RASSF3: variants seen among roughly 807,000 people sequenced by gnomAD.
RASSF3 encodes the protein ras association domain-containing protein 3.
RASSF3 carries 19 observed loss-of-function variants against 19.9 expected under a neutral mutation model. That is an observed-to-expected ratio of 0.96 (90% confidence interval 0.67 to 1.40). RASSF3 has a LOEUF of 1.40. Ranked by LOEUF, RASSF3 falls within the 40% of genes most tolerant of loss-of-function variation. The pLI is 0.00. For synonymous variants in RASSF3, 110 were observed against 104.2 expected (o/e 1.06, Z -0.34); for missense variants, 306 against 289.8 (o/e 1.06, Z -0.41).
At position 64,689,544 on chromosome 12, in the gene RASSF3, A is replaced by G. The variant is rs1873495171; in HGVS notation, c.457+1091A>G. On this transcript the variant is annotated intron_variant, in intron 3 of 4. Transcript: ENST00000542104. ...ATGCAGTGCATCTGGAAGTGCCACAATAATGTAGAGAAGCTCGATGGCATT... is the reference window on the plus strand; with the variant it reads ...ATGCAGTGCATCTGGAAGTGCCACAGTAATGTAGAGAAGCTCGATGGCATT... 2.6e-5 allele frequency among the ~76,000 whole-genome samples: 4 copies of G among 152,172 alleles called. No homozygotes were observed. The South Asian group carries it at 6.2e-4, about 24-fold the overall frequency.
At chr12:64,615,499 CTCTT>C (rs1565850536) in intron 1 of RASSF3, among the ~76,000 whole-genome samples, 1 of 152,148 alleles carries the variant, frequency 6.6e-6, no homozygotes. Context: ...TTTCGGTTTT[CTCTT>C]TCTTATTCAA....
At chr12:64,637,428 T>C (rs1193864410) in intron 1 of RASSF3, among the ~76,000 whole-genome samples, 69 of 150,466 alleles carry the variant, frequency 4.6e-4, no homozygotes, top group Non-Finnish European at 5.5e-4. Flanking sequence ...TCTTTCTTTT[T>C]TTTTTTTTTT....
At chr12:64,585,814 C>T in intron 2 of RASSF3, among the ~76,000 whole-genome samples, 1 of 151,944 alleles carries the variant, frequency 6.6e-6, no homozygotes, top group African/African-American at 2.4e-5. Flanking sequence ...CCACGTTGTC[C>T]AGGCTGGTGT....
At chr12:64,677,483 C>T (rs1458516452) in intron 1 of RASSF3, among the ~76,000 whole-genome samples, 1 of 152,066 alleles carries the variant, frequency 6.6e-6, no homozygotes, top group Non-Finnish European at 1.5e-5. Context: ...CTGTGTTGCC[C>T]AGGCTGGCCT....
At chr12:64,629,736 G>A (rs958560863) in intron 1 of RASSF3, among the ~76,000 whole-genome samples, 3 of 150,918 alleles carry the variant, frequency 2.0e-5, no homozygotes, top group African/African-American at 4.9e-5. Flanking sequence ...AGGCCGAGGT[G>A]GGTGGATCAC....
At chr12:64,544,322 T>C (rs1219445043), downstream of RASSF3, among the ~76,000 whole-genome samples, 1 of 152,000 alleles carries the variant, frequency 6.6e-6, no homozygotes, top group Non-Finnish European at 1.5e-5. Context: ...AGTACTGTGC[T>C]AGCGAGACCA....
intron 1 of RASSF3, among the ~76,000 whole-genome samples, chr12:64,629,605 G>A (rs943622869): frequency 6.6e-6 from 1 of 152,064 alleles, no homozygotes; most frequent in African/African-American, 2.4e-5. Flanking sequence ...GATTTTGGTA[G>A]CTGCTCACAT....
upstream of RASSF3, among the ~76,000 whole-genome samples, chr12:64,608,578 G>A (rs1870235061): frequency 6.6e-6 from 1 of 152,174 alleles, no homozygotes; most frequent in Non-Finnish European, 1.5e-5. Context: ...CTCCTCAGGC[G>A]TGAGCCATCG....
At chr12:64,578,890 A>G (rs1019133187) in intron 2 of RASSF3, among the ~76,000 whole-genome samples, 5 of 152,172 alleles carry the variant, frequency 3.3e-5, no homozygotes, top group African/African-American at 1.2e-4. Context: ...CATGCCTGTA[A>G]TCCCAGCACT....
chr12:64,658,436 C>T (rs1872231932), intron 1 of RASSF3, among the ~76,000 whole-genome samples: 1 of 152,194 alleles, frequency 6.6e-6, no homozygotes, highest in Admixed American at 6.5e-5. Flanking sequence ...GACTCAAATA[C>T]AAACACAATG....
intron 2 of RASSF3, among the ~76,000 whole-genome samples, chr12:64,589,741 G>A (rs1401911210): frequency 1.3e-5 from 2 of 152,020 alleles, no homozygotes; most frequent in East Asian, 3.9e-4. Flanking sequence ...GGTAGCTCAT[G>A]CCTGTAATCC....
chr12:64,639,140 T>C (rs1265921382), intron 1 of RASSF3, among the ~76,000 whole-genome samples: 3 of 152,226 alleles, frequency 2.0e-5, no homozygotes, highest in Non-Finnish European at 4.4e-5. Context: ...TTTTTAAACC[T>C]GTATGCTGAT....
chr12:64,621,814 C>T (rs1870780204), intron 1 of RASSF3, among the ~76,000 whole-genome samples: 1 of 152,228 alleles, frequency 6.6e-6, no homozygotes, highest in African/African-American at 2.4e-5. Context: ...AGGCTGACAT[C>T]ACTGAAACTC....
At chr12:64,688,858 G>A (rs1036308874) in intron 3 of RASSF3, among the ~76,000 whole-genome samples, 4 of 152,142 alleles carry the variant, frequency 2.6e-5, no homozygotes, top group Non-Finnish European at 5.9e-5. Context: ...GGAGTGGTTT[G>A]GTGGATGTGT....
intron 1 of RASSF3, among the ~76,000 whole-genome samples, chr12:64,645,699 T>C (rs1871706501): frequency 6.6e-6 from 1 of 152,216 alleles, no homozygotes. Flanking sequence ...GAATGGGGCA[T>C]GTTGTATCAA....
At chr12:64,598,030 T>C (rs1870023904) in intron 2 of RASSF3, among the ~76,000 whole-genome samples, 1 of 151,988 alleles carries the variant, frequency 6.6e-6, no homozygotes, top group African/African-American at 2.4e-5. Context: ...CAATTCTCCT[T>C]CCACACCTCC....
At chr12:64,543,039 T>C (rs1273075300), downstream of RASSF3, among the ~76,000 whole-genome samples, 1 of 78,408 alleles carries the variant, frequency 1.3e-5, no homozygotes, top group African/African-American at 4.2e-5. Context: ...GCACTTGGAG[T>C]GGCGGGCCCC....
rs557946688 is a variant in RASSF3, at chr12:64,538,455, C to T, written c.68-3126C>T. 1.6e-3 allele frequency among the ~76,000 whole-genome samples: 242 copies of T among 152,298 alleles called. 2 individuals are homozygous for T. Among genetic ancestry groups the T allele is most frequent in the African/African-American group, 5.3e-3 (220 of 41,570 alleles). ...TCAACATCTGAAATTTGGAGGCACA[C>T]GACTCAGCCCATAACACTAGTTTTT... On this transcript the variant is annotated intron_variant, in intron 1 of 1. Coordinates refer to the RASSF3 transcript ENST00000636333.
upstream of RASSF3, among the ~76,000 whole-genome samples, chr12:64,529,422 T>C (rs2136108644): frequency 6.6e-6 from 1 of 152,356 alleles, no homozygotes; most frequent in South Asian, 2.1e-4. Flanking sequence ...CAGCATTTTC[T>C]AACACCTAGA....
Sources: gnomAD v4.1 joint callset for allele counts (sites outside exome capture counted in the v4.1 genomes callset) on GRCh38, gnomAD v4.1.1 for gene constraint, MANE v1.5 for transcripts, NCBI Gene and HGNC (gene_info 2026-07-23, HGNC 2026-07-21) for gene names.